NPIPB2: variants seen among roughly 807,000 people sequenced by gnomAD.
NPIPB2 encodes nuclear pore complex-interacting protein family member B2.
NPIPB2 carries 27 observed loss-of-function variants against 30.8 expected under a neutral mutation model. The ratio of observed to expected loss-of-function variants is 0.88; its 90% CI spans 0.65 to 1.21. The LOEUF is 1.21. Ranked by LOEUF, NPIPB2 falls within the 50% of genes most tolerant of loss-of-function variation. The probability of loss-of-function intolerance (pLI) is 0.00; values close to 1 mark genes in which losing one functional copy is unlikely to be tolerated. For synonymous variants in NPIPB2, 147 were observed against 162.0 expected, an observed-to-expected ratio of 0.91 and a Z score of 0.70; for missense variants, 440 against 446.2, an observed-to-expected ratio of 0.99 and a Z score of 0.13.
At chr16:11,953,169 G>A (rs550466364) in intron 1 of NPIPB2, among the ~76,000 whole-genome samples, 3 of 152,048 alleles carry the variant, frequency 2.0e-5, no homozygotes, top group Admixed American at 2.0e-4. Flanking sequence ...TTTTCAAGGT[G>A]GAGTCTCACT....
intron 2 of NPIPB2, among the ~76,000 whole-genome samples, chr16:11,935,381 T>A (rs1255284938): frequency 1.3e-5 from 2 of 152,168 alleles, no homozygotes. Context: ...TGGCGCTACC[T>A]TGGCTCACGG....
intron 1 of NPIPB2, among the ~76,000 whole-genome samples, chr16:11,960,476 G>C (rs1460129414): frequency 6.7e-6 from 1 of 149,214 alleles, no homozygotes; most frequent in African/African-American, 2.5e-5. Context: ...CCTGCCTCAG[G>C]CTCCCACGTA....
intron 1 of NPIPB2, among the ~76,000 whole-genome samples, chr16:11,949,150 C>G (rs1288688948): frequency 6.6e-6 from 1 of 152,020 alleles, no homozygotes; most frequent in Non-Finnish European, 1.5e-5. Flanking sequence ...GAGCTAGACC[C>G]TGTCTCAAAA....
chr16:11,960,661 G>A (rs979209749), intron 1 of NPIPB2, among the ~76,000 whole-genome samples: 1 of 151,392 alleles, frequency 6.6e-6, no homozygotes, highest in East Asian at 2.0e-4. Flanking sequence ...CCTGGCCTCA[G>A]GCATGGCTCC....
intron 1 of NPIPB2, among the ~76,000 whole-genome samples, chr16:11,955,182 C>T (rs1473894329): frequency 5.3e-5 from 8 of 149,598 alleles, no homozygotes; most frequent in Middle Eastern, 7.0e-3. Context: ...GGTGAAACCC[C>T]ATCTCTACTA....
At chr16:11,975,948 C>T (rs1464254030) in intron 1 of NPIPB2, among the ~76,000 whole-genome samples, 1 of 151,608 alleles carries the variant, frequency 6.6e-6, no homozygotes, top group East Asian at 1.9e-4. Context: ...TGCTTGAGTC[C>T]TTTTTTTCTT....
At chr16:11,968,106 G>A (rs1310748554) in intron 1 of NPIPB2, 7 of 445,984 alleles carry the variant, frequency 1.6e-5, no homozygotes. Flanking sequence ...TTAAAAACAA[G>A]CATGTATACC....
intron 1 of NPIPB2, among the ~76,000 whole-genome samples, chr16:11,949,655 G>T (rs3850997): frequency 0.27 from 40,752 of 152,150 alleles, 6,641 homozygotes; most frequent in East Asian, 0.58. Context: ...GCCAAGCCCT[G>T]GCCAGTCTCC....
At chr16:11,947,680 A>G (rs919731340) in intron 1 of NPIPB2, among the ~76,000 whole-genome samples, 1 of 152,050 alleles carries the variant, frequency 6.6e-6, no homozygotes, top group African/African-American at 2.4e-5. Flanking sequence ...TTCATCAGAA[A>G]TTCTAGATGA....
intron 1 of NPIPB2, among the ~76,000 whole-genome samples, chr16:11,968,280 C>T (rs2055212058): frequency 2.0e-5 from 3 of 152,110 alleles, no homozygotes; most frequent in African/African-American, 7.2e-5. Context: ...AATTTGAGAC[C>T]AGCCTGGCCA....
chr16:11,933,127 G>C (rs1438897640), intron 4 of NPIPB2, among the ~76,000 whole-genome samples: 6 of 151,878 alleles, frequency 4.0e-5, no homozygotes, highest in South Asian at 2.1e-4. Flanking sequence ...TGGGCGTGGT[G>C]GTGGGCACCT....
intron 2 of NPIPB2, among the ~76,000 whole-genome samples, chr16:11,934,226 T>TCACACACA (rs766087820): frequency 0.035 from 4,290 of 121,526 alleles, 97 homozygotes; most frequent in Middle Eastern, 0.047. Context: ...TGAGACTCTG[T>TCACACACA]CACACACACA....
chr16:11,951,465 AAAAAAAAAAAAAG>A (rs1267814543), intron 1 of NPIPB2, among the ~76,000 whole-genome samples: 1 of 148,816 alleles, frequency 6.7e-6, no homozygotes, highest in Non-Finnish European at 1.5e-5. Flanking sequence ...TGTCTCAAAA[AAAAAAAAAAAAAG>A]AAAGAAAAGA....
upstream of NPIPB2, among the ~76,000 whole-genome samples, chr16:11,946,434 G>T (rs1196204580): frequency 4.0e-5 from 6 of 151,450 alleles, no homozygotes; most frequent in African/African-American, 1.5e-4. Context: ...AGGCGCAGTG[G>T]TGTGTGCCTT....
intron 1 of NPIPB2, among the ~76,000 whole-genome samples, chr16:11,960,226 T>C (rs1029846660): frequency 2.0e-5 from 3 of 152,192 alleles, no homozygotes; most frequent in Non-Finnish European, 2.9e-5. Context: ...GATGTCACAG[T>C]AAACTACATT....
intron 1 of NPIPB2, among the ~76,000 whole-genome samples, chr16:11,947,869 A>G (rs2055026927): frequency 6.6e-6 from 1 of 151,232 alleles, no homozygotes; most frequent in Admixed American, 6.6e-5. Flanking sequence ...AGCTGGGGCT[A>G]GCATCAGTGC....
chr16:11,967,576 G>A (rs1166677918), intron 1 of NPIPB2: 1 of 1,611,798 alleles, frequency 6.2e-7, no homozygotes, highest in South Asian at 1.1e-5. Flanking sequence ...TTAGGATCAG[G>A]TCTCCTGGGC....
chr16:11,965,827 C>CTG (rs2055188789), intron 1 of NPIPB2, among the ~76,000 whole-genome samples: 2 of 151,976 alleles, frequency 1.3e-5, no homozygotes, highest in African/African-American at 4.8e-5. Context: ...GTATGACAGC[C>CTG]GGGTGCGGTG....
At chr16:11,956,570 G>T (rs2055114738) in intron 1 of NPIPB2, among the ~76,000 whole-genome samples, 1 of 152,176 alleles carries the variant, frequency 6.6e-6, no homozygotes, top group Non-Finnish European at 1.5e-5. Context: ...TAGCTACTTA[G>T]GAGGCTGAGG....
Sources: gnomAD v4.1 joint callset for allele counts (sites outside exome capture counted in the v4.1 genomes callset) on GRCh38, gnomAD v4.1.1 for gene constraint, MANE v1.5 for transcripts, NCBI Gene and HGNC (gene_info 2026-07-23, HGNC 2026-07-21) for gene names.